The following ARHGAP35 variants were observed in gnomAD, a reference collection of about 807,000 sequenced individuals.
ARHGAP35 encodes rho GTPase-activating protein 35.
In ARHGAP35, 15 loss-of-function variants were observed where a neutral mutation model predicts 111.1. The observed-to-expected ratio is 0.13, with a 90% CI of 0.09 to 0.21. The LOEUF is 0.21. Ranked by LOEUF, ARHGAP35 falls within the 10% of genes least tolerant of loss-of-function variation. The pLI is 1.00. For missense variants in ARHGAP35, 1,262 were observed against 1,873.0 expected, an observed-to-expected ratio of 0.67 and a Z score of 6.02; for synonymous variants, 643 against 710.3, an observed-to-expected ratio of 0.91 and a Z score of 1.51.
At chr19:46,891,216 G>A (rs1374781268) in intron 1 of ARHGAP35, among the ~76,000 whole-genome samples, 3 of 152,150 alleles carry the variant, frequency 2.0e-5, no homozygotes, top group Admixed American at 2.0e-4. Context: ...CCCAATAAAT[G>A]GAAGTTGTAT....
chr19:46,907,718 C>T (rs1382876300), intron 1 of ARHGAP35, among the ~76,000 whole-genome samples: 1 of 152,036 alleles, frequency 6.6e-6, no homozygotes, highest in African/African-American at 2.4e-5. Context: ...ACCTCGTGAT[C>T]CGCCCGCCTC....
At chr19:46,865,328 A>G (rs751919465) in intron 1 of ARHGAP35, among the ~76,000 whole-genome samples, 10 of 152,206 alleles carry the variant, frequency 6.6e-5, no homozygotes, top group Non-Finnish European at 1.0e-4. Context: ...AAAGTTCCTC[A>G]TTTAAGTTAT....
chr19:46,875,152 C>T (rs2122123808), intron 1 of ARHGAP35, among the ~76,000 whole-genome samples: 1 of 152,136 alleles, frequency 6.6e-6, no homozygotes, highest in African/African-American at 2.4e-5. Flanking sequence ...AAGTTTACCC[C>T]ATTTGGTTTT....
chr19:46,928,760 C>T (rs1263323475), intron 2 of ARHGAP35, among the ~76,000 whole-genome samples: 2 of 151,936 alleles, frequency 1.3e-5, no homozygotes, highest in Non-Finnish European at 1.5e-5. Context: ...GGCGAAACCC[C>T]GTCTCTACAA....
intron 3 of ARHGAP35, among the ~76,000 whole-genome samples, chr19:46,939,027 GAA>G (rs145612958): frequency 0.012 from 1,846 of 152,266 alleles, 75 homozygotes; most frequent in East Asian, 0.11. Context: ...GGAAACCAGA[GAA>G]ATAATTCCCC....
chr19:46,959,708 C>A (rs1037113883), intron 3 of ARHGAP35, among the ~76,000 whole-genome samples: 1 of 150,706 alleles, frequency 6.6e-6, no homozygotes, highest in Admixed American at 6.7e-5. Context: ...CCAAAAACCT[C>A]CTTTTTTAAA....
chr19:46,891,257 G>A (rs1308534310), intron 1 of ARHGAP35, among the ~76,000 whole-genome samples: 2 of 152,142 alleles, frequency 1.3e-5, no homozygotes, highest in African/African-American at 4.8e-5. Flanking sequence ...TATAAACCAT[G>A]GAGGAATTCC....
chr19:46,909,758 C>T (rs2056128917), intron 1 of ARHGAP35, among the ~76,000 whole-genome samples: 1 of 152,164 alleles, frequency 6.6e-6, no homozygotes, highest in Non-Finnish European at 1.5e-5. Flanking sequence ...ACCATCCCCA[C>T]AATGTTATTA....
intron 5 of ARHGAP35, among the ~76,000 whole-genome samples, chr19:46,996,986 C>T (rs2056713284): frequency 6.6e-6 from 1 of 152,032 alleles, no homozygotes; most frequent in Non-Finnish European, 1.5e-5. Flanking sequence ...GATGAAACCC[C>T]GTCTCTAGTA....
chr19:46,877,248 CAAAAAAAAA>C (rs35968599), intron 1 of ARHGAP35, among the ~76,000 whole-genome samples: 5 of 89,868 alleles, frequency 5.6e-5, no homozygotes, highest in East Asian at 3.8e-4. Context: ...AAAACTGTCT[CAAAAAAAAA>C]AAAAAAAAAA....
At chr19:46,930,925 T>C (rs369613204) in intron 2 of ARHGAP35, among the ~76,000 whole-genome samples, 315 of 152,110 alleles carry the variant, frequency 2.1e-3, no homozygotes, top group Non-Finnish European at 2.7e-3. Context: ...GATTCATAAA[T>C]TCATTAAAAA....
chr19:46,877,780 C>G (rs909755471), intron 1 of ARHGAP35, among the ~76,000 whole-genome samples: 6 of 151,820 alleles, frequency 4.0e-5, no homozygotes, highest in Non-Finnish European at 5.9e-5. Context: ...CATCTCAGCT[C>G]ACTGCAACCT....
At chr19:46,883,261 A>ATTTTTT (rs532740072) in intron 1 of ARHGAP35, among the ~76,000 whole-genome samples, 1 of 144,930 alleles carries the variant, frequency 6.9e-6, no homozygotes, top group African/African-American at 2.5e-5. Context: ...TGCCTGGCTA[A>ATTTTTT]TTTTTTTTTT....
intron 2 of ARHGAP35, among the ~76,000 whole-genome samples, chr19:46,925,001 G>A (rs1016993922): frequency 6.6e-6 from 1 of 152,184 alleles, no homozygotes; most frequent in Non-Finnish European, 1.5e-5. Flanking sequence ...TGTTCATGCT[G>A]GTAATGAGCA....
intron 5 of ARHGAP35, among the ~76,000 whole-genome samples, chr19:46,996,444 C>T (rs2056708143): frequency 6.7e-6 from 1 of 148,616 alleles, no homozygotes; most frequent in South Asian, 2.2e-4. Context: ...CCCACCCCTG[C>T]CCCTCCCCAC....
At chr19:46,998,865 G>A (rs1301269499) in intron 5 of ARHGAP35, among the ~76,000 whole-genome samples, 1 of 152,264 alleles carries the variant, frequency 6.6e-6, no homozygotes, top group African/African-American at 2.4e-5. Flanking sequence ...TTGGTCTCAT[G>A]ACCGACTGAC....
chr19:46,939,376 T>C (rs561874127), intron 3 of ARHGAP35, among the ~76,000 whole-genome samples: 2 of 20,382 alleles, frequency 9.8e-5, no homozygotes, highest in African/African-American at 6.1e-4. Flanking sequence ...CCTTTACATT[T>C]ATTTATTTAT....
At chr19:46,861,365 C>T (rs1241707077) in intron 1 of ARHGAP35, among the ~76,000 whole-genome samples, 156 bp downstream of exon 1, 1 of 145,624 alleles carries the variant, frequency 6.9e-6, no homozygotes, top group Non-Finnish European at 1.5e-5. Flanking sequence ...GCCCCCCGGG[C>T]CCCGCCGTCC....
At chr19:46,955,440 G>A (rs1305514455) in intron 3 of ARHGAP35, among the ~76,000 whole-genome samples, 1 of 152,108 alleles carries the variant, frequency 6.6e-6, no homozygotes, top group Non-Finnish European at 1.5e-5. Context: ...GAGAGGAGTC[G>A]CCATTGCCCC....
Sources: gnomAD v4.1 joint callset for allele counts (sites outside exome capture counted in the v4.1 genomes callset) on GRCh38, gnomAD v4.1.1 for gene constraint, MANE v1.5 for transcripts, NCBI Gene and HGNC (gene_info 2026-07-23, HGNC 2026-07-21) for gene names.